The following PTPRN2 variants were observed in gnomAD, a reference collection of about 807,000 sequenced individuals.
The protein encoded by PTPRN2 is protein tyrosine phosphatase receptor type N2, also known as receptor-type tyrosine-protein phosphatase N2.
Under a neutral mutation model 118.8 loss-of-function variants are expected in PTPRN2, and 74 were observed. The ratio of observed to expected loss-of-function variants is 0.62; its 90% confidence interval spans 0.52 to 0.76. The LOEUF is 0.76. Among genes scored for constraint, PTPRN2 ranks in the 30% least tolerant of loss-of-function variants. The pLI is 0.00. For synonymous variants in PTPRN2, 641 were observed against 608.0 expected, an observed-to-expected ratio of 1.05 and a Z score of -0.80; for missense variants, 1,481 against 1,394.4, an observed-to-expected ratio of 1.06 and a Z score of -0.99.
intron 12 of PTPRN2, among the ~76,000 whole-genome samples, chr7:157,803,228 G>A (rs1419248053): frequency 2.0e-5 from 3 of 152,166 alleles, no homozygotes. Flanking sequence ...GCCTCCCAAA[G>A]TGCTGGGATT....
chr7:158,527,273 G>A lies in PTPRN2; in HGVS notation c.113-37488C>T, dbSNP rs541378310. Among the ~76,000 whole-genome samples, 6 of 150,548 alleles carry A rather than the reference G, an allele frequency of 4.0e-5. No individual in the cohort carries two copies. In the South Asian group the frequency reaches 1.1e-3, roughly 26 times the overall value. ...CCCAGGCCTCCTCCCCACAAGGCGC[G>A]TCCTGGGCCTCCCTGACCCCGGCCA... On this transcript the variant is annotated intron_variant, in intron 1 of 22. Coordinates refer to ENST00000389418, the MANE Select transcript of PTPRN2 (RefSeq NM_002847.5).
At position 157,549,915 on chromosome 7, in the gene PTPRN2, G is replaced by A. The variant is rs184202937; in HGVS notation, c.2903-896C>T. 1.1e-3 allele frequency among the ~76,000 whole-genome samples: 160 copies of A among 152,286 alleles called. 1 individual carries two copies. The highest frequency in any genetic ancestry group is 3.7e-3 in the African/African-American group (155 of 41,548). On this transcript the variant is annotated intron_variant, in intron 21 of 22. Transcript: ENST00000389418. ...ACTTCATGTCACCTCTACCGAACAC[G>A]GTGAACTGAGAACTGTGGTCACCCG...
intron 1 of PTPRN2, among the ~76,000 whole-genome samples, chr7:158,502,670 C>T (rs1034039457): frequency 2.0e-5 from 3 of 152,270 alleles, no homozygotes; most frequent in Non-Finnish European, 4.4e-5. Flanking sequence ...CGTCACCACA[C>T]ACCACGCTGT....
chr7:158,287,460 A>G (rs1026861509), intron 3 of PTPRN2, among the ~76,000 whole-genome samples: 6 of 152,136 alleles, frequency 3.9e-5, no homozygotes, highest in Non-Finnish European at 5.9e-5. Context: ...ATTTATCACT[A>G]TAAACATCCC....
intron 2 of PTPRN2, among the ~76,000 whole-genome samples, chr7:158,486,625 A>G (rs938073530): frequency 1.3e-5 from 2 of 152,204 alleles, no homozygotes; most frequent in African/African-American, 4.8e-5. Context: ...TTACCAAGGA[A>G]TTGACCCCCA....
At chr7:157,725,570 AGC>A in intron 12 of PTPRN2, among the ~76,000 whole-genome samples, 1 of 118,732 alleles carries the variant, frequency 8.4e-6, no homozygotes, top group African/African-American at 4.0e-5. Context: ...CAGAGGAGTG[AGC>A]CAGACCCTCG....
intron 3 of PTPRN2, among the ~76,000 whole-genome samples, chr7:158,297,928 A>G (rs563216178): frequency 6.6e-6 from 1 of 152,382 alleles, no homozygotes; most frequent in African/African-American, 2.4e-5. Flanking sequence ...TAATGAATAT[A>G]GACTAACTCA....
At chr7:157,969,663 T>G (rs1216419055) in intron 11 of PTPRN2, among the ~76,000 whole-genome samples, 2 of 151,784 alleles carry the variant, frequency 1.3e-5, no homozygotes, top group African/African-American at 4.8e-5. Context: ...TGGCTGAGCC[T>G]GAAGCTGGAG....
At chr7:158,407,634 CGTCCTGG>C (rs71200017) in intron 2 of PTPRN2, among the ~76,000 whole-genome samples, 1 of 49,586 alleles carries the variant, frequency 2.0e-5, no homozygotes, top group Non-Finnish European at 4.0e-5. Context: ...CTGGGTCCTG[CGTCCTGG>C]GTCCTGGGTC....
intron 17 of PTPRN2, among the ~76,000 whole-genome samples, chr7:157,594,087 G>C (rs1801148242): frequency 6.6e-6 from 1 of 152,232 alleles, no homozygotes; most frequent in South Asian, 2.1e-4. Flanking sequence ...AAAATGGGAT[G>C]ATGGCACCTG....
intron 21 of PTPRN2, among the ~76,000 whole-genome samples, chr7:157,556,297 T>C (rs950108370): frequency 1.8e-5 from 2 of 108,834 alleles, no homozygotes; most frequent in Admixed American, 9.1e-5. Flanking sequence ...CACAGAGGCA[T>C]GCACACACCC....
chr7:157,696,781 C>G (rs1038332107), intron 12 of PTPRN2, among the ~76,000 whole-genome samples: 1 of 146,124 alleles, frequency 6.8e-6, no homozygotes, highest in Non-Finnish European at 1.5e-5. Flanking sequence ...ACCATCTACC[C>G]ATGCATACTG....
intron 11 of PTPRN2, among the ~76,000 whole-genome samples, chr7:157,980,702 G>A (rs890765050): frequency 4.6e-5 from 7 of 152,152 alleles, no homozygotes; most frequent in African/African-American, 9.7e-5. Context: ...CAAGTGAGCC[G>A]AGATCATGCC....
At chr7:157,584,302 C>T (rs1800546012) in intron 17 of PTPRN2, among the ~76,000 whole-genome samples, 1 of 152,206 alleles carries the variant, frequency 6.6e-6, no homozygotes. Flanking sequence ...TGTCTTTCCT[C>T]TACCAGACTA....
rs138181662 is a variant in PTPRN2 at position 157,763,580 on chromosome 7, C to A, written c.1789-80643G>T. On this transcript the variant is annotated intron_variant, in intron 12 of 22. Coordinates refer to ENST00000389418, the MANE Select transcript of PTPRN2 (RefSeq NM_002847.5). This position sits in a 1 kb window ranked among gnomAD's most constrained non-coding sequence, Gnocchi z 4.9. Reference sequence around the variant, plus strand: ...TTTCAGAGTTGGGAGCAGCTGCCCCCCTGGCCATGGGGGAAGGCCACGCCC... The same window carrying A: ...TTTCAGAGTTGGGAGCAGCTGCCCCACTGGCCATGGGGGAAGGCCACGCCC... Among the ~76,000 whole-genome samples, 383 of 152,190 alleles carry A rather than the reference C, an allele frequency of 2.5e-3. 2 individuals are homozygous for A. The highest frequency in any genetic ancestry group is 9.0e-3 in the African/African-American group (376 of 41,548).
At chr7:157,879,077 G>A (rs1483080913) in intron 12 of PTPRN2, among the ~76,000 whole-genome samples, 1 of 142,324 alleles carries the variant, frequency 7.0e-6, no homozygotes, top group Non-Finnish European at 1.5e-5. Flanking sequence ...GATTCCATGG[G>A]GCTGGAAGGG....
At chr7:157,894,437 T>A (rs904591581) in intron 12 of PTPRN2, among the ~76,000 whole-genome samples, 6 of 84,424 alleles carry the variant, frequency 7.1e-5, no homozygotes, top group African/African-American at 1.0e-4. Flanking sequence ...CTGTGGAAGC[T>A]GAGAGCTGGG....
At chr7:158,177,696 G>C (rs1401541941) in intron 5 of PTPRN2, among the ~76,000 whole-genome samples, 1 of 152,212 alleles carries the variant, frequency 6.6e-6, no homozygotes, top group Non-Finnish European at 1.5e-5. Flanking sequence ...GCTGTTTCAT[G>C]CATCAACAGC....
intron 12 of PTPRN2, among the ~76,000 whole-genome samples, chr7:157,809,785 A>G (rs73511093): frequency 0.02 from 2,981 of 152,252 alleles, 102 homozygotes; most frequent in African/African-American, 0.065. Flanking sequence ...GTCCCGTCAG[A>G]CAATTCATTT....
Sources: allele counts gnomAD v4.1 joint callset (sites outside exome capture counted in the v4.1 genomes callset), GRCh38; gene constraint gnomAD v4.1.1; non-coding constraint Gnocchi (gnomAD v3.1); transcripts MANE v1.5; gene names NCBI Gene and HGNC (gene_info 2026-07-23, HGNC 2026-07-21).